Variants in ABCB1 observed in about 807,000 individuals in gnomAD.
ABCB1 encodes ATP binding cassette subfamily B member 1.
In ABCB1, 69 loss-of-function variants were observed where a neutral mutation model predicts 142.0. The observed-to-expected ratio is 0.49, with a 90% CI of 0.40 to 0.59. ABCB1 has a LOEUF of 0.59. Ranked by LOEUF, ABCB1 falls within the 20% of genes least tolerant of loss-of-function variation. The pLI, the probability that ABCB1 is intolerant of heterozygous loss-of-function variation, is 0.00. For synonymous variants in ABCB1, 532 were observed against 539.2 expected, an observed-to-expected ratio of 0.99 and a Z score of 0.18; for missense variants, 1,326 against 1,554.7, an observed-to-expected ratio of 0.85 and a Z score of 2.47.
chr7:87,509,268 G>C lies in ABCB1; in HGVS notation c.3489+7C>G, dbSNP rs1342564901. On this transcript the variant is annotated splice_region_variant and intron_variant, in intron 26 of 27. Coordinates refer to ENST00000622132, the MANE Select transcript of ABCB1 (RefSeq NM_001348946.2). ...CTCCCAGGCTGTTTATTTGAAGAGA[G>C]ACTTACATTAGGCAGTGACTCGATG... The C allele has an allele frequency of 6.2e-7, 1 of 1,613,950 alleles. No homozygotes were observed. The highest frequency in any genetic ancestry group is 1.3e-5 in the African/African-American group (1 of 75,026).
chr7:87,628,444 G>C (rs957067412), intron 1 of ABCB1: 7 of 170,460 alleles, frequency 4.1e-5, no homozygotes, highest in African/African-American at 1.7e-4. Context: ...GAGTGTGGGT[G>C]GTTGGGCGTG....
At position 87,515,831 on chromosome 7, in the gene ABCB1, A is replaced by G. The variant is rs183135814; in HGVS notation, c.3085-403T>C. Among the ~76,000 whole-genome samples, 467 of 152,126 alleles carry G rather than the reference A, an allele frequency of 3.1e-3. 1 individual carries two copies. The highest frequency in any genetic ancestry group is 0.01 in the African/African-American group (418 of 41,514). On this transcript the variant is annotated intron_variant, in intron 24 of 27. Transcript: ENST00000622132. ...AAGCTGGTCTCGAACTCCTGACCTC[A>G]CGTGATCCACCCACCTTGGCCTCCC...
intron 1 of ABCB1, among the ~76,000 whole-genome samples, chr7:87,655,855 C>T (rs1824048470): frequency 6.6e-6 from 1 of 152,012 alleles, no homozygotes; most frequent in Admixed American, 6.6e-5. Context: ...AAGGGCAGAG[C>T]CCTCATGAGT....
At chr7:87,582,605 C>T (rs192126127) in intron 4 of ABCB1, among the ~76,000 whole-genome samples, 1 of 152,272 alleles carries the variant, frequency 6.6e-6, no homozygotes, top group East Asian at 1.9e-4. Flanking sequence ...CTATAAAGGG[C>T]CAGATAGTAA....
At chr7:87,573,542 C>T (rs1818143503) in intron 4 of ABCB1, among the ~76,000 whole-genome samples, 1 of 152,180 alleles carries the variant, frequency 6.6e-6, no homozygotes, top group Non-Finnish European at 1.5e-5. Context: ...TGTAACTAAT[C>T]TTTCTACCCC....
At chr7:87,534,203 G>T (rs957572142) in intron 20 of ABCB1, among the ~76,000 whole-genome samples, 1 of 152,192 alleles carries the variant, frequency 6.6e-6, no homozygotes, top group African/African-American at 2.4e-5. Flanking sequence ...GGGTTCTGCT[G>T]CAAAAGACTG....
At chr7:87,565,388 G>C (rs1214793365) in intron 7 of ABCB1, 1 of 423,398 alleles carries the variant, frequency 2.4e-6, no homozygotes, top group Non-Finnish European at 4.7e-6. Context: ...TGTTCACCTT[G>C]AAATGGAAAA....
chr7:87,652,601 A>C (rs1402037757), intron 1 of ABCB1, among the ~76,000 whole-genome samples: 1 of 133,036 alleles, frequency 7.5e-6, no homozygotes, highest in East Asian at 2.2e-4. Context: ...AATTTCTGTC[A>C]GTTGACTCTT....
At chr7:87,545,752 T>C (rs1316999601) in intron 15 of ABCB1, 111 bp downstream of exon 15, 1 of 1,189,634 alleles carries the variant, frequency 8.4e-7, no homozygotes, top group East Asian at 2.5e-5. Context: ...CCCCAGGTGT[T>C]GTTTCCTACT....
intron 1 of ABCB1, among the ~76,000 whole-genome samples, chr7:87,701,863 G>A (rs972073223): frequency 6.6e-6 from 1 of 152,060 alleles, no homozygotes; most frequent in African/African-American, 2.4e-5. Flanking sequence ...AGAGATACTG[G>A]CCGGGCGCGG....
intron 2 of ABCB1, among the ~76,000 whole-genome samples, chr7:87,598,038 T>C (rs927355955): frequency 8.5e-5 from 13 of 152,136 alleles, no homozygotes; most frequent in African/African-American, 3.1e-4. Flanking sequence ...ATCTTGGGTA[T>C]ACCTGTATCA....
chr7:87,621,976 A>G (rs1820240563), intron 1 of ABCB1, among the ~76,000 whole-genome samples: 1 of 152,164 alleles, frequency 6.6e-6, no homozygotes, highest in Non-Finnish European at 1.5e-5. Flanking sequence ...ATGAAGTTAT[A>G]TTCTAATTTC....
rs1338520506 is a variant in ABCB1 at position 87,663,329 on chromosome 7, T to C, written c.-331+49832A>G. ...ATCTATTCCTTGTGTTTATTACCCA[T>C]TGACGCTATTAACTAACCATCTCGT... On this transcript the variant is annotated intron_variant, in intron 1 of 28. Transcript: ENST00000265724. Among the ~76,000 whole-genome samples the C allele has an allele frequency of 7.0e-4, 107 of 152,110 alleles. 1 individual carries two copies. Among genetic ancestry groups the C allele is most frequent in the Admixed American group, 7.0e-3 (106 of 15,248 alleles).
chr7:87,521,533 T>C (rs1815508682), intron 21 of ABCB1: 2 of 757,658 alleles, frequency 2.6e-6, no homozygotes, highest in Admixed American at 1.7e-5. Flanking sequence ...AGCTCTACAT[T>C]GGTTGACCAA....
At chr7:87,705,032 A>G (rs1423952428) in intron 1 of ABCB1, among the ~76,000 whole-genome samples, 1 of 152,234 alleles carries the variant, frequency 6.6e-6, no homozygotes, top group East Asian at 1.9e-4. Context: ...ATACAAGTAC[A>G]CTTGTATCAC....
intron 23 of ABCB1, 89 bp from the exon 24 acceptor site, chr7:87,516,754 T>TTTTTTTTTTG (rs1815271382): frequency 1.8e-6 from 2 of 1,086,150 alleles, no homozygotes; most frequent in African/African-American, 3.5e-5. Flanking sequence ...TTTTTTTTTT[T>TTTTTTTTTTG]GAGGTGGGGT....
At chr7:87,638,375 G>GTT (rs1018818657) in intron 1 of ABCB1, among the ~76,000 whole-genome samples, 16 of 151,580 alleles carry the variant, frequency 1.1e-4, no homozygotes, top group South Asian at 6.3e-4. Flanking sequence ...GTGTGTGTGT[G>GTT]TGTGTTTCCT....
chr7:87,508,869 C>T (rs1036666266), intron 26 of ABCB1, among the ~76,000 whole-genome samples: 7 of 152,024 alleles, frequency 4.6e-5, no homozygotes, highest in African/African-American at 1.7e-4. Context: ...CTCAGCAGGC[C>T]AGAAGCAGCA....
chr7:87,561,133 A>G, intron 8 of ABCB1, 130 bp downstream of exon 8: 2 of 1,056,120 alleles, frequency 1.9e-6, no homozygotes, highest in Non-Finnish European at 1.4e-6. Context: ...TTATGCTGTA[A>G]TACATCCATT....
Sources: gnomAD v4.1 joint callset for allele counts (sites outside exome capture counted in the v4.1 genomes callset) on GRCh38, gnomAD v4.1.1 for gene constraint, MANE v1.5 for transcripts, NCBI Gene and HGNC (gene_info 2026-07-23, HGNC 2026-07-21) for gene names.